Variants in ALDH3A1 observed in about 807,000 individuals in gnomAD.
ALDH3A1 encodes the protein aldehyde dehydrogenase, dimeric NADP-preferring.
ALDH3A1 carries 46 observed loss-of-function variants against 49.9 expected under a neutral mutation model. That is an observed-to-expected ratio of 0.92 (90% CI 0.73 to 1.18). The LOEUF (loss-of-function observed/expected upper bound fraction) is 1.18, where lower values mean the gene tolerates loss of function less well. ALDH3A1 is among the 50% of genes most tolerant of loss of function. ALDH3A1 has a pLI of 0.00. For missense variants in ALDH3A1, 592 were observed against 611.8 expected (o/e 0.97, Z 0.34); for synonymous variants, 269 against 253.3 (o/e 1.06, Z -0.59).
chr17:19,739,242 C>A, intron 8 of ALDH3A1, 147 bp from the exon 9 acceptor site: 1 of 825,458 alleles, frequency 1.2e-6, no homozygotes, highest in Non-Finnish European at 1.9e-6. Context: ...GCTCTTCCTG[C>A]AGACCGCGTG....
rs1052155837 is a variant in ALDH3A1 at position 19,744,605 on chromosome 17, C to A, written c.162+363G>T. 144 of 985,254 alleles carry A rather than the reference C, an allele frequency of 1.5e-4. 1 individual carries two copies. Among genetic ancestry groups the A allele is most frequent in the Admixed American group, 6.8e-4 (11 of 16,266 alleles). 61.0% of individuals were successfully genotyped at this position (985,254 alleles called of 1,614,324 possible). The stretch of plus-strand genomic sequence containing the variant: ...GGGAGGGAGGGGAGAGCCCCCCATG[C>A]CCTCCGGGGTGCCAAGCTGCTCTGG... On this transcript the variant is annotated intron_variant, in intron 2 of 10. Transcript: ENST00000225740.
intron 1 of ALDH3A1, 140 bp from the exon 2 acceptor site, chr17:19,745,274 G>A: frequency 1.1e-6 from 1 of 905,486 alleles, no homozygotes. Flanking sequence ...TCCACTTTCT[G>A]CCTCGCCTCC....
chr17:19,743,567 C>T lies in ALDH3A1; in HGVS notation c.163-104G>A. 6.7e-7 allele frequency: 1 copy of T among 1,490,166 alleles called. No homozygotes were observed. Among genetic ancestry groups the T allele is most frequent in the Non-Finnish European group, 8.9e-7 (1 of 1,125,228 alleles). 92.3% of individuals were successfully genotyped at this position (1,490,166 alleles called of 1,614,324 possible). A position where few individuals can be genotyped will look rare whatever the true frequency, so the allele number is the denominator to read the frequency against. On this transcript the variant is annotated intron_variant, in intron 2 of 10. Transcript: ENST00000225740. The surrounding 1 kb of genome is among the most constrained non-coding windows in gnomAD (Gnocchi z 4.4). ...AGCTGCCAGGGTGATGGGGGTCACT[C>T]ACCCAGCCCAGGGTGGGGGCAGCCG...
In ALDH3A1 at chr17:19,745,031, C is replaced by G; in HGVS notation, c.99G>C (p.Leu33=). 1 of 1,595,902 alleles carries G rather than the reference C, an allele frequency of 6.3e-7. No individual in the cohort carries two copies. Among genetic ancestry groups the G allele is most frequent in the East Asian group, 2.2e-5 (1 of 44,576 alleles). ...GCTCCTGCTCCTGGATCAGGCGCTG[C>G]AGCGCCTCCAGCTGCTGGATCCGGA... The part of the protein sequence containing the change: ...LQFRIQQLEA[L]QRLIQEQEQE... The change falls in exon 2 of 11, where the codon CTG becomes CTC. Residue 33 remains leucine (L), a synonymous_variant. Transcript: ENST00000225740.
At chr17:19,745,350 C>T (rs551002574) in intron 1 of ALDH3A1, 4 of 513,970 alleles carry the variant, frequency 7.8e-6, no homozygotes, top group Non-Finnish European at 1.3e-5. Flanking sequence ...AGGTGACACC[C>T]GCCGCAACCC....
At chr17:19,738,300 C>A in intron 10 of ALDH3A1, 23 bp downstream of exon 10, 1 of 1,613,760 alleles carries the variant, frequency 6.2e-7, no homozygotes, top group Admixed American at 1.7e-5. Flanking sequence ...CCGGTCTCCC[C>A]CACAGCGCCT....
intron 9 of ALDH3A1, among the ~76,000 whole-genome samples, 173 bp downstream of exon 9, chr17:19,738,823 C>T (rs2086435433): frequency 6.6e-6 from 1 of 152,150 alleles, no homozygotes; most frequent in African/African-American, 2.4e-5. Flanking sequence ...AACCTCTAGG[C>T]TCCCAGGTTA....
intron 2 of ALDH3A1, chr17:19,744,595 GC>G: frequency 2.0e-6 from 2 of 985,250 alleles, no homozygotes; most frequent in Non-Finnish European, 2.4e-6. Context: ...GGAGGGGAGA[GC>G]CCCCCATGCC....
intron 2 of ALDH3A1, 52 bp downstream of exon 2, chr17:19,744,916 C>G (rs1427148925): frequency 1.1e-5 from 15 of 1,345,012 alleles, no homozygotes; most frequent in Non-Finnish European, 1.5e-5. Flanking sequence ...TCCCCCCACG[C>G]CCCATCGCAT....
At chr17:19,747,368 ACCT>A (rs1471455890) in intron 1 of ALDH3A1, among the ~76,000 whole-genome samples, 1 of 151,822 alleles carries the variant, frequency 6.6e-6, no homozygotes, top group Non-Finnish European at 1.5e-5. Context: ...CCTCACTGGG[ACCT>A]CCTCAGTCCC....
chr17:19,742,209 G>A lies in ALDH3A1; in HGVS notation c.484C>T (p.Leu162=). ...TIIPQYLDKD[L]YPVINGGVPE... ...ACACCCCCATTGATTACTGGGTACA[G>A]ATCCTTCCATGCAAGGAGAGAGGGG... The change falls in exon 5 of 11, where the codon CTG becomes TTG. Residue 162 remains leucine (L), a synonymous_variant. Transcript: ENST00000225740. The A allele has an allele frequency of 6.2e-7, 1 of 1,613,872 alleles. No homozygotes were observed. The highest frequency in any genetic ancestry group is 8.5e-7 in the Non-Finnish European group (1 of 1,179,838).
In ALDH3A1 at chr17:19,741,160, GGGGCCAC is replaced by G. The variant is rs1383433183; in HGVS notation, c.733_739del (p.Val245LeufsTer22). On this transcript the variant is annotated frameshift_variant, in exon 6 of 11. Transcript: ENST00000225740. LOFTEE classifies it high-confidence loss of function. ...CGAGGGGTCACAGAGGATGTAGTCA[GGGGCCAC>G]GCAGGTCTGGCCACTGTTCATGAAT... 22 of 1,613,898 alleles carry G rather than the reference GGGGCCAC, an allele frequency of 1.4e-5. No homozygotes were observed. Among genetic ancestry groups the G allele is most frequent in the Non-Finnish European group, 1.7e-5 (20 of 1,179,884 alleles).
intron 5 of ALDH3A1, chr17:19,741,430 T>C: frequency 4.0e-6 from 2 of 503,424 alleles, no homozygotes; most frequent in Non-Finnish European, 7.2e-6. Flanking sequence ...CTAGAGGACG[T>C]CTGTTGAGGG....
chr17:19,740,468 C>G lies in ALDH3A1; in HGVS notation c.817G>C (p.Gly273Arg). 1.9e-6 allele frequency: 3 copies of G among 1,614,004 alleles called. No individual in the cohort carries two copies. The highest frequency in any genetic ancestry group is 2.5e-6 in the Non-Finnish European group (3 of 1,180,020). ...TCCCGGGATTTCTTAGCATCTTCCCCGTAGAACTCCTGTGGAGAAGAGGTG... is the reference window on the plus strand; with the variant it reads ...TCCCGGGATTTCTTAGCATCTTCCCGGTAGAACTCCTGTGGAGAAGAGGTG... ...KLKKSLKEFY[G>R]EDAKKSRDYG... Residue 273 changes from glycine (G) to arginine (R), a missense_variant, in exon 7 of 11, where the codon GGG (glycine) becomes CGG (arginine). Transcript: ENST00000225740.
chr17:19,743,484 T>G lies in ALDH3A1; in HGVS notation c.163-21A>C. The stretch of plus-strand genomic sequence containing the variant: ...TCATTCTGCAGCGACAGAGCCGGAG[T>G]GAGCTTCCAGGGCCAGGGCCCGCCT... On this transcript the variant is annotated intron_variant, in intron 2 of 10. Transcript: ENST00000225740. This position sits in a 1 kb window ranked among gnomAD's most constrained non-coding sequence, Gnocchi z 4.4. 6.4e-7 allele frequency: 1 copy of G among 1,569,602 alleles called. No homozygotes were observed.
chr17:19,747,635 G>A (rs988284513), intron 1 of ALDH3A1, among the ~76,000 whole-genome samples: 11 of 152,086 alleles, frequency 7.2e-5, no homozygotes, highest in South Asian at 6.2e-4. Context: ...CCATCACGTC[G>A]CAGCTGCACC....
At chr17:19,742,467 T>A (rs2086513629) in intron 4 of ALDH3A1, 78 bp downstream of exon 4, 1 of 1,490,834 alleles carries the variant, frequency 6.7e-7, no homozygotes, top group South Asian at 1.3e-5. Flanking sequence ...AAGAATTCAC[T>A]ATTTCTCACC....
chr17:19,741,384 C>T, intron 5 of ALDH3A1, 174 bp from the exon 6 acceptor site: 1 of 565,376 alleles, frequency 1.8e-6, no homozygotes, highest in Non-Finnish European at 3.2e-6. Context: ...GACCCAATGG[C>T]CCTGATCATG....
At chr17:19,746,610 CAT>C (rs1491128227) in intron 1 of ALDH3A1, among the ~76,000 whole-genome samples, 3 of 150,172 alleles carry the variant, frequency 2.0e-5, no homozygotes, top group Admixed American at 6.7e-5. Context: ...CAGGCGTGTG[CAT>C]GTGTGTGTGT....
Sources: allele counts gnomAD v4.1 joint callset (sites outside exome capture counted in the v4.1 genomes callset), GRCh38; gene constraint gnomAD v4.1.1; non-coding constraint Gnocchi (gnomAD v3.1); transcripts MANE v1.5; gene names NCBI Gene and HGNC (gene_info 2026-07-23, HGNC 2026-07-21).